The following AGMO variants were observed in gnomAD, a reference collection of about 807,000 sequenced individuals.
AGMO encodes alkylglycerol monooxygenase, also known as glyceryl-ether monooxygenase.
A neutral mutation model predicts 60.2 loss-of-function variants in AGMO; 75 were observed. The observed-to-expected ratio is 1.25, with a 90% CI of 1.03 to 1.51. The LOEUF (loss-of-function observed/expected upper bound fraction) is 1.51. AGMO is among the 40% of genes most tolerant of loss of function. The pLI is 0.00. For synonymous variants in AGMO, 261 were observed against 177.1 expected (o/e 1.47, Z -3.76); for missense variants, 763 against 525.5 (o/e 1.45, Z -4.42).
intron 2 of AGMO, among the ~76,000 whole-genome samples, chr7:15,554,868 G>A (rs551636873): frequency 6.6e-6 from 1 of 152,142 alleles, no homozygotes; most frequent in African/African-American, 2.4e-5. Flanking sequence ...ATAGAAGTGT[G>A]AGAGTGGGCA....
the AGMO span, among the ~76,000 whole-genome samples, chr7:15,138,423 A>G: frequency 6.6e-6 from 1 of 152,240 alleles, no homozygotes; most frequent in Non-Finnish European, 1.5e-5. Context: ...AGGCTAAATC[A>G]TAATCCCGAC....
At chr7:15,153,381 T>C in the AGMO span, among the ~76,000 whole-genome samples, 2 of 152,154 alleles carry the variant, frequency 1.3e-5, no homozygotes, top group Non-Finnish European at 2.9e-5. Flanking sequence ...TTTTGTTGCA[T>C]TTGCTTTTGT....
At chr7:15,527,433 T>A (rs1229586691) in intron 3 of AGMO, among the ~76,000 whole-genome samples, 2 of 152,250 alleles carry the variant, frequency 1.3e-5, no homozygotes, top group South Asian at 4.2e-4. Flanking sequence ...CTCTTCAATT[T>A]TATGAGGGAT....
At chr7:15,296,351 G>C (rs537770319) in intron 12 of AGMO, among the ~76,000 whole-genome samples, 1 of 152,222 alleles carries the variant, frequency 6.6e-6, no homozygotes, top group South Asian at 2.1e-4. Context: ...ACATATGAAA[G>C]GATGTAAGAC....
At chr7:15,345,634 G>C (rs1306321551) in intron 12 of AGMO, among the ~76,000 whole-genome samples, 1 of 152,088 alleles carries the variant, frequency 6.6e-6, no homozygotes, top group Admixed American at 6.5e-5. Flanking sequence ...CTTGGTACTT[G>C]GTACTGATGT....
chr7:15,304,595 A>G (rs1272585195), intron 12 of AGMO, among the ~76,000 whole-genome samples: 6 of 152,196 alleles, frequency 3.9e-5, no homozygotes, highest in South Asian at 2.1e-4. Context: ...AATCTTATTT[A>G]TTCAGTTTCG....
At chr7:15,385,382 A>T in intron 10 of AGMO, 64 bp downstream of exon 10, 1 of 1,138,514 alleles carries the variant, frequency 8.8e-7, no homozygotes, top group Admixed American at 2.0e-5. Flanking sequence ...TGGGGAGCTT[A>T]TTTTCATTTT....
chr7:15,397,793 A>C (rs1160060401), intron 5 of AGMO, among the ~76,000 whole-genome samples: 7 of 152,210 alleles, frequency 4.6e-5, no homozygotes, highest in Admixed American at 4.6e-4. Flanking sequence ...TCAGGAGTTT[A>C]AAATACTGTG....
chr7:15,307,947 A>G (rs1263128310), intron 12 of AGMO, among the ~76,000 whole-genome samples: 1 of 152,018 alleles, frequency 6.6e-6, no homozygotes, highest in East Asian at 1.9e-4. Flanking sequence ...TGTCAATCCT[A>G]TTAGTTCCTA....
intron 12 of AGMO, among the ~76,000 whole-genome samples, chr7:15,338,428 A>T (rs1249699604): frequency 6.6e-6 from 1 of 151,002 alleles, no homozygotes; most frequent in Admixed American, 6.6e-5. Flanking sequence ...TTTGCAGATA[A>T]GTTTCTGTTT....
intron 3 of AGMO, among the ~76,000 whole-genome samples, chr7:15,471,734 A>C (rs1291388641): frequency 6.6e-6 from 1 of 151,958 alleles, no homozygotes; most frequent in Non-Finnish European, 1.5e-5. Flanking sequence ...CAAGATGACC[A>C]GATAATGTTT....
intron 12 of AGMO, among the ~76,000 whole-genome samples, chr7:15,340,222 G>A (rs1781797895): frequency 6.6e-6 from 1 of 152,108 alleles, no homozygotes; most frequent in Non-Finnish European, 1.5e-5. Context: ...TGAATAAATT[G>A]CACGTTACAC....
chr7:15,354,494 GTGTATATA>G (rs1227163847), intron 12 of AGMO, among the ~76,000 whole-genome samples: 2 of 11,598 alleles, frequency 1.7e-4, no homozygotes, highest in Non-Finnish European at 3.1e-4. Flanking sequence ...ATATACACAC[GTGTATATA>G]TATATATATA....
chr7:15,477,491 C>G (rs992815539), intron 3 of AGMO, among the ~76,000 whole-genome samples: 8 of 152,026 alleles, frequency 5.3e-5, no homozygotes, highest in Non-Finnish European at 1.2e-4. Flanking sequence ...CAAGGAAATG[C>G]GAACAGATTG....
At position 15,275,898 on chromosome 7, in the gene AGMO, C is replaced by T. The variant is rs192267052; in HGVS notation, c.1264-74539G>A. ...TTCCATTTGTGTGATATGTTTTTTT[C>T]CACCACTTTCAGTCTGTGGGTTTCT... On this transcript the variant is annotated intron_variant, in intron 12 of 12. Coordinates refer to ENST00000342526, the MANE Select transcript of AGMO (RefSeq NM_001004320.2). 1.8e-3 allele frequency among the ~76,000 whole-genome samples: 272 copies of T among 151,836 alleles called. 1 individual carries two copies. Among genetic ancestry groups the T allele is most frequent in the Non-Finnish European group, 2.2e-3 (149 of 67,938 alleles).
At chr7:15,422,880 G>C (rs570010822) in intron 4 of AGMO, among the ~76,000 whole-genome samples, 2 of 152,258 alleles carry the variant, frequency 1.3e-5, no homozygotes, top group East Asian at 3.9e-4. Flanking sequence ...GATTTCAGCA[G>C]AGGATGCAGA....
the AGMO span, among the ~76,000 whole-genome samples, chr7:15,135,095 T>A: frequency 3.6e-4 from 54 of 151,450 alleles, no homozygotes; most frequent in African/African-American, 1.3e-3. Flanking sequence ...ATATAATATA[T>A]AATTTCAAGT....
At chr7:15,141,439 C>T in the AGMO span, among the ~76,000 whole-genome samples, 110 of 152,006 alleles carry the variant, frequency 7.2e-4, no homozygotes, top group African/African-American at 2.4e-3. Context: ...AAAAATTAGC[C>T]GAGTGTGGTG....
intron 12 of AGMO, among the ~76,000 whole-genome samples, chr7:15,248,206 ATATATATATATATATAT>A (rs1223112141): frequency 8.4e-5 from 8 of 94,780 alleles, no homozygotes; most frequent in Non-Finnish European, 1.7e-4. Flanking sequence ...ATATATATAT[ATATATATATATATATAT>A]ATCTTCATCT....
Sources: gnomAD v4.1 joint callset for allele counts (sites outside exome capture counted in the v4.1 genomes callset) on GRCh38, gnomAD v4.1.1 for gene constraint, MANE v1.5 for transcripts, NCBI Gene and HGNC (gene_info 2026-07-23, HGNC 2026-07-21) for gene names.